Variants in POLDIP3 observed in about 807,000 individuals in gnomAD.
POLDIP3 encodes the protein polymerase delta-interacting protein 3.
A neutral mutation model predicts 45.1 loss-of-function variants in POLDIP3; 14 were observed. The ratio of observed to expected loss-of-function variants is 0.31; its 90% CI spans 0.20 to 0.49. The LOEUF (loss-of-function observed/expected upper bound fraction) is 0.49. POLDIP3 is among the 20% of genes least tolerant of loss of function. The pLI is 0.99. For missense variants in POLDIP3, 511 were observed against 538.8 expected, an observed-to-expected ratio of 0.95 and a Z score of 0.51; for synonymous variants, 223 against 205.2, an observed-to-expected ratio of 1.09 and a Z score of -0.74.
At chr22:42,603,708 T>TAC (rs1926544222) in intron 1 of POLDIP3, 1 of 152,780 alleles carries the variant, frequency 6.5e-6, no homozygotes, top group South Asian at 2.1e-4. Context: ...AGAGCAAACA[T>TAC]ATGGGTCTGG....
intron 1 of POLDIP3, among the ~76,000 whole-genome samples, chr22:42,604,657 T>C (rs1926607945): frequency 6.6e-6 from 1 of 152,210 alleles, no homozygotes; most frequent in Admixed American, 6.5e-5. Flanking sequence ...GGAGTGAGAT[T>C]GGCTGTCAGT....
rs1209077905 is a variant in POLDIP3 at position 42,596,153 on chromosome 22, C to A, written c.813+33G>T. On this transcript the variant is annotated intron_variant, in intron 5 of 8. Coordinates refer to ENST00000252115, the MANE Select transcript of POLDIP3 (RefSeq NM_032311.5). The stretch of plus-strand genomic sequence containing the variant: ...ACATATAAGCATACAGCCCTCCTGA[C>A]CCCAACTGCTGCAGTCACCACCATC... 6 of 1,608,742 alleles carry A rather than the reference C, an allele frequency of 3.7e-6. No homozygotes were observed. In the African/African-American group the frequency reaches 8.0e-5, roughly 22 times the overall value.
chr22:42,603,940 TA>T (rs1173123184), intron 1 of POLDIP3, among the ~76,000 whole-genome samples: 6 of 152,124 alleles, frequency 3.9e-5, no homozygotes, highest in East Asian at 1.9e-4. Flanking sequence ...TAAAATAAAA[TA>T]TTTTTTTTAA....
chr22:42,598,757 C>T (rs915016964), intron 4 of POLDIP3, among the ~76,000 whole-genome samples: 5 of 152,192 alleles, frequency 3.3e-5, no homozygotes, highest in African/African-American at 4.8e-5. Context: ...AGTCTTTGAG[C>T]GTCTGAAGGA....
intron 7 of POLDIP3, among the ~76,000 whole-genome samples, chr22:42,590,615 A>G (rs1213479476): frequency 2.0e-5 from 3 of 152,246 alleles, no homozygotes; most frequent in Non-Finnish European, 4.4e-5. Flanking sequence ...CTGTTAACCA[A>G]AAAGTCCTTA....
At chr22:42,589,301 C>T (rs1475966035) in intron 7 of POLDIP3, among the ~76,000 whole-genome samples, 1 of 150,422 alleles carries the variant, frequency 6.6e-6, no homozygotes, top group Non-Finnish European at 1.5e-5. Context: ...CCTAAGAAAG[C>T]TGGTCTTTTA....
At chr22:42,611,860 G>T (rs557634934) in intron 1 of POLDIP3, among the ~76,000 whole-genome samples, 1 of 152,162 alleles carries the variant, frequency 6.6e-6, no homozygotes, top group Non-Finnish European at 1.5e-5. Context: ...CTGGGCAACA[G>T]AGTGAGACTC....
intron 2 of POLDIP3, 127 bp from the exon 3 acceptor site, chr22:42,602,183 G>T: frequency 4.3e-6 from 6 of 1,408,590 alleles, no homozygotes; most frequent in Non-Finnish European, 5.8e-6. Flanking sequence ...CACTACAGAG[G>T]GCCTTATCCT....
intron 4 of POLDIP3, among the ~76,000 whole-genome samples, chr22:42,596,685 T>TA (rs555472168): frequency 1.2e-4 from 18 of 152,250 alleles, no homozygotes; most frequent in Non-Finnish European, 2.2e-4. Flanking sequence ...CCACACCACT[T>TA]AGACTTTCTA....
intron 1 of POLDIP3, among the ~76,000 whole-genome samples, chr22:42,606,357 T>C (rs1443336582): frequency 6.6e-6 from 1 of 151,660 alleles, no homozygotes; most frequent in Non-Finnish European, 1.5e-5. Context: ...TCCCTGGGCA[T>C]GGTGGCTCAC....
chr22:42,614,537 C>T (rs1367858188), intron 1 of POLDIP3, among the ~76,000 whole-genome samples: 2 of 152,232 alleles, frequency 1.3e-5, no homozygotes, highest in South Asian at 2.1e-4. Flanking sequence ...CAGGGGGCAG[C>T]CCCTCAGGTC....
In POLDIP3 at chr22:42,584,646, C is replaced by T. The variant is rs542400854; in HGVS notation, c.*1145G>A. 1.7e-5 allele frequency: 6 copies of T among 344,108 alleles called. No homozygotes were observed. The highest frequency in any genetic ancestry group is 2.8e-5 in the Non-Finnish European group (5 of 176,400). The allele number at this position is 344,108 out of a possible 1,614,324, so 21.3% of individuals were successfully genotyped here. ...TCTGAAGTTTCGTCCCAACTGTCTG[C>T]GCCTATGCTGGGGAAACACCTTGCC... On this transcript the variant is annotated 3_prime_UTR_variant, in exon 9 of 9. Transcript: ENST00000252115.
At chr22:42,614,606 G>A (rs1019421505) in intron 1 of POLDIP3, among the ~76,000 whole-genome samples, 193 bp downstream of exon 1, 1 of 152,118 alleles carries the variant, frequency 6.6e-6, no homozygotes, top group Non-Finnish European at 1.5e-5. Context: ...CCGCCAGAGG[G>A]ACTGCGCCTC....
intron 6 of POLDIP3, among the ~76,000 whole-genome samples, chr22:42,593,721 G>A (rs547284471): frequency 2.6e-5 from 4 of 152,322 alleles, no homozygotes; most frequent in Admixed American, 2.6e-4. Flanking sequence ...GTTTTGCCAT[G>A]TTGGCCAGGC....
chr22:42,588,654 G>C (rs1172577249), intron 7 of POLDIP3, among the ~76,000 whole-genome samples: 1 of 144,422 alleles, frequency 6.9e-6, no homozygotes, highest in African/African-American at 2.6e-5. Flanking sequence ...TTGAGATGGA[G>C]TTTCGCTCTT....
chr22:42,592,213 A>G (rs1925711142), intron 6 of POLDIP3, 129 bp from the exon 7 acceptor site: 1 of 1,373,708 alleles, frequency 7.3e-7, no homozygotes, highest in Non-Finnish European at 1.0e-6. Flanking sequence ...GACTGCGGGG[A>G]GGCTCCACGC....
At chr22:42,587,682 G>C in intron 7 of POLDIP3, 110 bp from the exon 8 acceptor site, 1 of 1,025,048 alleles carries the variant, frequency 9.8e-7, no homozygotes, top group Non-Finnish European at 1.5e-6. Context: ...ACCACTGGCA[G>C]TTCTGGCTCC....
At position 42,592,000 on chromosome 22, in the gene POLDIP3, C is replaced by G. The variant is rs766828845; in HGVS notation, c.976G>C (p.Asp326His). 1 of 1,614,200 alleles carries G rather than the reference C, an allele frequency of 6.2e-7. No individual in the cohort carries two copies. The highest frequency in any genetic ancestry group is 8.5e-7 in the Non-Finnish European group (1 of 1,180,036). Residue 326 changes from aspartate to histidine, a missense_variant, in exon 7 of 9, where the codon GAT becomes CAT. This residue lies in a region of POLDIP3 where 66 missense variants were observed against 118.1 expected (regional missense o/e 0.56). Coordinates refer to ENST00000252115, the MANE Select transcript of POLDIP3 (RefSeq NM_032311.5). ...VAEVVFVKKD[D>H]AITAYKKYNN... ...TACTTCTTATATGCGGTGATGGCAT[C>G]GTCCTTTTTCACAAACACCACCTCC...
chr22:42,588,966 C>T (rs1202100856), intron 7 of POLDIP3, among the ~76,000 whole-genome samples: 1 of 152,142 alleles, frequency 6.6e-6, no homozygotes, highest in Non-Finnish European at 1.5e-5. Flanking sequence ...GTGGGCCAGG[C>T]TTGGTGGCTC....
Sources: gnomAD v4.1 joint callset for allele counts (sites outside exome capture counted in the v4.1 genomes callset) on GRCh38, gnomAD v4.1.1 for gene constraint, gnomAD v4.1.1 regional missense constraint, MANE v1.5 for transcripts, NCBI Gene and HGNC (gene_info 2026-07-23, HGNC 2026-07-21) for gene names.